The following PDE4D variants were observed in gnomAD, a reference collection of about 807,000 sequenced individuals.
The protein encoded by PDE4D is phosphodiesterase 4D.
In PDE4D, 24 loss-of-function variants were observed where a neutral mutation model predicts 87.4. The observed-to-expected ratio is 0.27, with a 90% confidence interval of 0.20 to 0.39. The LOEUF is 0.39. Among genes scored for constraint, PDE4D ranks in the 10% least tolerant of loss-of-function variants. PDE4D has a pLI of 1.00. For missense variants in PDE4D, 714 were observed against 1,041.0 expected (o/e 0.69, Z 4.32); for synonymous variants, 384 against 383.2 (o/e 1.00, Z -0.02).
chr5:60,515,595 C>CTTTTTTTTT (rs1750759847), intron 1 of PDE4D, among the ~76,000 whole-genome samples: 2 of 71,088 alleles, frequency 2.8e-5, no homozygotes, highest in African/African-American at 1.4e-4. Context: ...CTTTCCTTTT[C>CTTTTTTTTT]TTTTTCTTTT....
At position 59,337,337 on chromosome 5, in the gene PDE4D, C is replaced by A. The variant is rs1417515049; in HGVS notation, c.456-121369G>T. ...CATTCATAAGTTCCCCCCCCCCCAC[C>A]TTTTTTTTTTTTTTGACACGGAGTC... On this transcript the variant is annotated intron_variant, in intron 1 of 14. Transcript: ENST00000340635. Among the ~76,000 whole-genome samples the A allele has an allele frequency of 2.0e-3, 268 of 133,024 alleles. 1 individual carries two copies. Among genetic ancestry groups the A allele is most frequent in the Non-Finnish European group, 3.4e-3 (209 of 61,740 alleles). The allele number at this position is 133,024 out of a possible 152,430, so 87.3% of individuals were successfully genotyped here.
chr5:59,993,147 T>C (rs1324159320), intron 2 of PDE4D, among the ~76,000 whole-genome samples: 1 of 152,182 alleles, frequency 6.6e-6, no homozygotes, highest in African/African-American at 2.4e-5. Context: ...TCATAGATGG[T>C]GCTTGCTAAA....
At chr5:60,189,305 C>T (rs1000344980) in intron 1 of PDE4D, among the ~76,000 whole-genome samples, 1 of 152,190 alleles carries the variant, frequency 6.6e-6, no homozygotes, top group Non-Finnish European at 1.5e-5. Context: ...GGAATTAAGA[C>T]AGTTTCTATC....
chr5:59,257,889 AGGCCCCTG>A (rs1249151304), intron 1 of PDE4D, among the ~76,000 whole-genome samples: 3 of 151,908 alleles, frequency 2.0e-5, no homozygotes, highest in Admixed American at 2.0e-4. Flanking sequence ...CGGCTCACCA[AGGCCCCTG>A]GGAAGACAGG....
In PDE4D at chr5:59,368,520, C is replaced by T. The variant is rs182962733; in HGVS notation, c.456-152552G>A. Among the ~76,000 whole-genome samples, 65 of 152,198 alleles carry T rather than the reference C, an allele frequency of 4.3e-4. No homozygotes were observed. In the East Asian group the frequency reaches 0.012, roughly 28 times the overall value. ...ATAAGAATTAGAGACATTTGGTGTG[C>T]TTGATTTAGCACGTTAATTAGAATA... On this transcript the variant is annotated intron_variant, in intron 1 of 14. Coordinates refer to ENST00000340635, the MANE Select transcript of PDE4D (RefSeq NM_001104631.2).
At chr5:59,202,215 T>C (rs1193847212) in intron 2 of PDE4D, among the ~76,000 whole-genome samples, 4 of 151,946 alleles carry the variant, frequency 2.6e-5, no homozygotes, top group African/African-American at 9.7e-5. Context: ...AATTTTTTTG[T>C]ATTTTTAGTA....
chr5:60,116,560 A>G (rs1476765486), intron 2 of PDE4D, among the ~76,000 whole-genome samples: 1 of 152,098 alleles, frequency 6.6e-6, no homozygotes, highest in Non-Finnish European at 1.5e-5. Flanking sequence ...AGCTTTATAA[A>G]TACCTCATAA....
chr5:59,790,678 C>T (rs1370523783), intron 1 of PDE4D, among the ~76,000 whole-genome samples: 1 of 152,136 alleles, frequency 6.6e-6, no homozygotes, highest in East Asian at 1.9e-4. Flanking sequence ...TTTGATTCCA[C>T]CCTCTGCCTC....
intron 1 of PDE4D, among the ~76,000 whole-genome samples, chr5:59,825,681 A>T (rs1195366803): frequency 2.6e-5 from 4 of 152,070 alleles, no homozygotes; most frequent in African/African-American, 9.7e-5. Context: ...AAGCTATAGA[A>T]CTGTAGTATT....
intron 1 of PDE4D, among the ~76,000 whole-genome samples, chr5:59,746,838 G>A (rs1405916804): frequency 6.6e-6 from 1 of 151,246 alleles, no homozygotes; most frequent in Non-Finnish European, 1.5e-5. Flanking sequence ...TCTGCCCCTA[G>A]TGAAGTAGGA....
intron 1 of PDE4D, among the ~76,000 whole-genome samples, chr5:59,856,434 G>A (rs1380039585): frequency 1.3e-5 from 2 of 152,154 alleles, no homozygotes; most frequent in Non-Finnish European, 1.5e-5. Flanking sequence ...GTGTACGACA[G>A]TTAAATGCAT....
chr5:60,329,690 G>A (rs1159419913), intron 1 of PDE4D, among the ~76,000 whole-genome samples: 1 of 152,034 alleles, frequency 6.6e-6, no homozygotes, highest in Non-Finnish European at 1.5e-5. Context: ...ACTTCTTAGG[G>A]AGATAGGAAG....
At chr5:59,046,668 G>A (rs979201484) in intron 5 of PDE4D, among the ~76,000 whole-genome samples, 9 of 152,066 alleles carry the variant, frequency 5.9e-5, no homozygotes, top group South Asian at 2.1e-4. Flanking sequence ...ACAAAATCCC[G>A]ACTTGTTTTG....
At chr5:58,986,460 AACT>A (rs9292183) in intron 11 of PDE4D, among the ~76,000 whole-genome samples, 99,256 of 151,636 alleles carry the variant, frequency 0.65, 32,573 homozygotes, top group Middle Eastern at 0.73. Context: ...GCCTGTCAGG[AACT>A]GGGCTGCACA....
chr5:59,916,155 A>G (rs543526429), intron 3 of PDE4D, among the ~76,000 whole-genome samples: 34 of 152,206 alleles, frequency 2.2e-4, no homozygotes, highest in Non-Finnish European at 3.8e-4. Flanking sequence ...TTTGAAGGAG[A>G]AAAGGACAAT....
intron 1 of PDE4D, among the ~76,000 whole-genome samples, chr5:59,548,100 A>C (rs961788675): frequency 6.6e-6 from 1 of 152,196 alleles, no homozygotes; most frequent in African/African-American, 2.4e-5. Flanking sequence ...GCCTGCAGCA[A>C]TCCTCACAAC....
At chr5:59,623,172 C>T (rs1830525239) in intron 1 of PDE4D, among the ~76,000 whole-genome samples, 1 of 152,168 alleles carries the variant, frequency 6.6e-6, no homozygotes, top group Non-Finnish European at 1.5e-5. Flanking sequence ...TATCCTTGCT[C>T]ACATCCTCAT....
intron 1 of PDE4D, among the ~76,000 whole-genome samples, chr5:59,348,786 C>T (rs538191277): frequency 8.5e-5 from 13 of 152,116 alleles, no homozygotes; most frequent in South Asian, 4.1e-4. Context: ...TACACTATTA[C>T]CAGCTAATGA....
At chr5:59,759,095 A>G (rs1057133335) in intron 1 of PDE4D, among the ~76,000 whole-genome samples, 3 of 152,188 alleles carry the variant, frequency 2.0e-5, no homozygotes, top group African/African-American at 7.2e-5. Context: ...CATTAGAGAT[A>G]GTAAAGCTTC....
Sources: allele counts gnomAD v4.1 joint callset (sites outside exome capture counted in the v4.1 genomes callset), GRCh38; gene constraint gnomAD v4.1.1; transcripts MANE v1.5; gene names NCBI Gene and HGNC (gene_info 2026-07-23, HGNC 2026-07-21).